Variants in EIF3A observed in about 807,000 individuals in gnomAD.
The protein encoded by EIF3A is EIF3, p180 subunit.
A neutral mutation model predicts 186.6 loss-of-function variants in EIF3A; 21 were observed. The ratio of observed to expected loss-of-function variants is 0.11; its 90% CI spans 0.08 to 0.16. EIF3A has a LOEUF of 0.16. EIF3A is among the 10% of genes least tolerant of loss of function. The probability of loss-of-function intolerance (pLI) is 1.00; values close to 1 mark genes in which losing one functional copy is unlikely to be tolerated. For synonymous variants in EIF3A, 563 were observed against 584.3 expected (o/e 0.96, Z 0.52); for missense variants, 1,306 against 1,796.3 (o/e 0.73, Z 4.93).
At chr10:119,050,763 C>G in intron 15 of EIF3A, 89 bp from the exon 16 acceptor site, 1 of 1,408,370 alleles carries the variant, frequency 7.1e-7, no homozygotes, top group African/African-American at 1.4e-5. Context: ...ACAAAAGACT[C>G]TCAAGTGTAT....
chr10:119,074,446 CAA>C (rs1239968463), intron 1 of EIF3A, among the ~76,000 whole-genome samples: 2 of 147,010 alleles, frequency 1.4e-5, no homozygotes, highest in South Asian at 2.2e-4. Context: ...GCCTGGGTGA[CAA>C]GAGCGAAATT....
In EIF3A at chr10:119,056,721, A is replaced by T. The variant is rs1310425383; in HGVS notation, c.2196+19T>A. ...TTTTATTACAATCTAAAAATATTAC[A>T]ATTAAATAAAAAACTTACTCTTTCT... is the stretch of plus-strand genomic sequence containing the variant. On this transcript the variant is annotated intron_variant, in intron 14 of 21. Transcript: ENST00000369144. 6.9e-6 allele frequency: 10 copies of T among 1,442,910 alleles called. No homozygotes were observed. The highest frequency in any genetic ancestry group is 9.7e-6 in the Non-Finnish European group (10 of 1,029,850). The allele number at this position is 1,442,910 out of a possible 1,614,324, so 89.4% of individuals were successfully genotyped here. A position where few individuals can be genotyped will look rare whatever the true frequency, so the allele number is the denominator to read the frequency against.
At position 119,058,261 on chromosome 10, in the gene EIF3A, G is replaced by A; in HGVS notation, c.1672C>T (p.Leu558Phe). ...TGGTGCTCTTTTCGTGAATTTTTAA[G>A]GTATGCAGTGACAGCCAACTGATGC... ...EQHQLAVTAY[L>F]KNSRKEHQRI... is the part of the protein sequence containing the mutation. Residue 558 changes from leucine to phenylalanine, a missense_variant, in exon 12 of 22, where the codon CTT becomes TTT. Leu to Phe is a conservative substitution (Grantham distance 22, BLOSUM62 0). This residue lies in a region of EIF3A where 44 missense variants were observed against 43.4 expected (regional missense o/e 1.01). Coordinates refer to ENST00000369144, the MANE Select transcript of EIF3A (RefSeq NM_003750.4). The A allele has an allele frequency of 6.2e-7, 1 of 1,608,332 alleles. No homozygotes were observed.
chr10:119,052,368 T>TTTTTTTTTTGTGTGTGTGTGTGTGTG (rs140398720), intron 14 of EIF3A, among the ~76,000 whole-genome samples: 1 of 122,972 alleles, frequency 8.1e-6, no homozygotes, highest in African/African-American at 2.9e-5. Flanking sequence ...TTTTTTGGTT[T>TTTTTTTTTTGTGTGTGTGTGTGTGTG]TGTGTGTGTG....
At chr10:119,061,990 G>A (rs1022278237) in intron 7 of EIF3A, among the ~76,000 whole-genome samples, 2 of 152,122 alleles carry the variant, frequency 1.3e-5, no homozygotes, top group Non-Finnish European at 2.9e-5. Context: ...CAAAACTGAG[G>A]CAAATATTGG....
In EIF3A at chr10:119,080,781, G is replaced by C. The variant is rs938067025; in HGVS notation, c.-105C>G. The C allele has an allele frequency of 6.9e-7, 1 of 1,452,748 alleles. No individual in the cohort carries two copies. Among genetic ancestry groups the C allele is most frequent in the Non-Finnish European group, 9.1e-7 (1 of 1,098,358 alleles). 90.0% of individuals were successfully genotyped at this position (1,452,748 alleles called of 1,614,324 possible). A position where few individuals can be genotyped will look rare whatever the true frequency, so the allele number is the denominator to read the frequency against. On this transcript the variant is annotated 5_prime_UTR_variant, in exon 1 of 22. Transcript: ENST00000369144. ...GCGTAAGGTCCCACGCGCCTCGCCA[G>C]CAGTCGCCCGCGCCCAGCCGGCCAG...
At chr10:119,039,295 A>G (rs1002714604) in intron 19 of EIF3A, among the ~76,000 whole-genome samples, 2 of 152,210 alleles carry the variant, frequency 1.3e-5, no homozygotes, top group Non-Finnish European at 2.9e-5. Context: ...GAATCTAGGA[A>G]CATTTTATAT....
chr10:119,047,006 G>A (rs569690309), intron 17 of EIF3A, among the ~76,000 whole-genome samples: 1 of 152,072 alleles, frequency 6.6e-6, no homozygotes, highest in East Asian at 1.9e-4. Flanking sequence ...AGTGGCTCAC[G>A]CCTGTAATCC....
intron 16 of EIF3A, 54 bp from the exon 17 acceptor site, chr10:119,050,039 G>A (rs1848335581): frequency 6.5e-7 from 1 of 1,540,120 alleles, no homozygotes; most frequent in Non-Finnish European, 8.9e-7. Context: ...CTTCCCCCTA[G>A]TGCTAGTTCC....
At position 119,058,010 on chromosome 10, in the gene EIF3A, C is replaced by T; in HGVS notation, c.1923G>A (p.Glu641=). ...CACCCAGTTCTGTTTTCTTGATCTG[C>T]TCCAAACGCTCTCGGACAGTTTTCT... ...IKKKTVRERL[E]QIKKTELGAK... is the part of the protein sequence containing the mutation. Residue 641 remains glutamate (E), a synonymous_variant, in exon 12 of 22, where the codon GAG becomes GAA. Coordinates refer to ENST00000369144, the MANE Select transcript of EIF3A (RefSeq NM_003750.4). 5 of 1,614,184 alleles carry T rather than the reference C, an allele frequency of 3.1e-6. No homozygotes were observed. The highest frequency in any genetic ancestry group is 4.2e-6 in the Non-Finnish European group (5 of 1,180,046).
chr10:119,066,379 G>A (rs1843978333), intron 6 of EIF3A, among the ~76,000 whole-genome samples: 1 of 150,882 alleles, frequency 6.6e-6, no homozygotes, highest in East Asian at 2.0e-4. Flanking sequence ...CATGGTGACA[G>A]GCGCCTGTAA....
At chr10:119,043,226 C>G (rs764574033) in intron 18 of EIF3A, among the ~76,000 whole-genome samples, 2 of 152,074 alleles carry the variant, frequency 1.3e-5, no homozygotes, top group African/African-American at 2.4e-5. Context: ...CAAGACCAGC[C>G]TGGCCAACAT....
intron 1 of EIF3A, among the ~76,000 whole-genome samples, chr10:119,077,428 CCAA>C (rs1844195494): frequency 6.6e-6 from 1 of 151,698 alleles, no homozygotes; most frequent in African/African-American, 2.4e-5. Flanking sequence ...TCCAGCCTGG[CCAA>C]CAGAGAGAGA....
At chr10:119,047,397 A>G (rs1273502802) in intron 17 of EIF3A, among the ~76,000 whole-genome samples, 1 of 152,184 alleles carries the variant, frequency 6.6e-6, no homozygotes, top group Non-Finnish European at 1.5e-5. Flanking sequence ...AACCAAATAT[A>G]CTAGTTACCA....
intron 1 of EIF3A, among the ~76,000 whole-genome samples, chr10:119,076,484 T>C (rs1844175805): frequency 7.4e-6 from 1 of 135,748 alleles, no homozygotes; most frequent in East Asian, 2.3e-4. Context: ...TCCATCTTAC[T>C]ATCAAAAAAA....
intron 1 of EIF3A, among the ~76,000 whole-genome samples, chr10:119,075,807 G>A (rs1844161705): frequency 1.6e-5 from 2 of 128,200 alleles, no homozygotes; most frequent in Admixed American, 9.6e-5. Flanking sequence ...TCCGCCTCCC[G>A]GGTTCACGTC....
Position 119,059,260 on chromosome 10 carries a change from G to A in EIF3A, c.1581C>T (p.Ser527=), listed in dbSNP as rs778830819. The A allele has an allele frequency of 1.9e-6, 3 of 1,614,060 alleles. No individual in the cohort carries two copies. Among genetic ancestry groups the A allele is most frequent in the East Asian group, 4.5e-5 (2 of 44,898 alleles). The stretch of plus-strand genomic sequence containing the variant: ...CTTCAAGTGCTTTTGCAAGTACTGA[G>A]GACATGGCTGTCAGCTGGTTTCTTA... ...EQIRNQLTAM[S]SVLAKALEVI... Residue 527 remains serine (S), a synonymous_variant, in exon 11 of 22, where the codon TCC becomes TCT. Coordinates refer to ENST00000369144, the MANE Select transcript of EIF3A (RefSeq NM_003750.4).
rs142936656 is a variant in EIF3A at position 119,068,657 on chromosome 10, C to T, written c.950+789G>A. Among the ~76,000 whole-genome samples, 118 of 149,590 alleles carry T rather than the reference C, an allele frequency of 7.9e-4. 2 individuals carry two copies. The East Asian group carries it at 0.012, about 16-fold the overall frequency. ...CCAGCCTGGGCGATAAGAGCGAAGGCTCTGTCTCAAGAAAAAATAAAATAA... is the reference window on the plus strand; with the variant it reads ...CCAGCCTGGGCGATAAGAGCGAAGGTTCTGTCTCAAGAAAAAATAAAATAA... On this transcript the variant is annotated intron_variant, in intron 6 of 21. Coordinates refer to ENST00000369144, the MANE Select transcript of EIF3A (RefSeq NM_003750.4).
Position 119,035,977 on chromosome 10 carries a change from A to G in EIF3A, c.*62T>C. 2 of 1,259,570 alleles carry G rather than the reference A, an allele frequency of 1.6e-6. No individual in the cohort carries two copies. Among genetic ancestry groups the G allele is most frequent in the East Asian group, 2.3e-5 (1 of 43,130 alleles). The allele number at this position is 1,259,570 out of a possible 1,614,324, so 78.0% of individuals were successfully genotyped here. A position where few individuals can be genotyped will look rare whatever the true frequency, so the allele number is the denominator to read the frequency against. Reference sequence around the variant, plus strand: ...TTTAGATTGGTTGAAGCACAAGTATAATAATCCTTGAATGTGATCAAACCT... The same window carrying G: ...TTTAGATTGGTTGAAGCACAAGTATGATAATCCTTGAATGTGATCAAACCT... On this transcript the variant is annotated 3_prime_UTR_variant, in exon 22 of 22. Transcript: ENST00000369144.
Sources: allele counts gnomAD v4.1 joint callset (sites outside exome capture counted in the v4.1 genomes callset), GRCh38; gene constraint gnomAD v4.1.1; regional missense constraint gnomAD v4.1.1; transcripts MANE v1.5; gene names NCBI Gene and HGNC (gene_info 2026-07-23, HGNC 2026-07-21).